The following DPP6 variants were observed in gnomAD, a reference collection of about 807,000 sequenced individuals.
DPP6 encodes A-type potassium channel modulatory protein DPP6.
Under a neutral mutation model 122.6 loss-of-function variants are expected in DPP6, and 69 were observed. That is an observed-to-expected ratio of 0.56 (90% CI 0.46 to 0.69). The LOEUF (loss-of-function observed/expected upper bound fraction) is 0.69. Ranked by LOEUF, DPP6 falls within the 30% of genes least tolerant of loss-of-function variation. The pLI is 0.00. For missense variants in DPP6, 928 were observed against 1,116.9 expected (o/e 0.83, Z 2.41); for synonymous variants, 418 against 433.1 (o/e 0.97, Z 0.43).
At chr7:154,777,425 G>A (rs1202930099) in intron 10 of DPP6, among the ~76,000 whole-genome samples, 1 of 152,174 alleles carries the variant, frequency 6.6e-6, no homozygotes. Context: ...GGCTAATGCA[G>A]GGACCCAGGC....
Position 153,997,593 on chromosome 7 carries a change from G to GCACACACACACACACACACA in DPP6, c.51+109863_51+109882dup, listed in dbSNP as rs3980023. Among the ~76,000 whole-genome samples the GCACACACACACACACACACA allele has an allele frequency of 2.8e-3, 416 of 146,074 alleles. 4 individuals are homozygous for GCACACACACACACACACACA. Among genetic ancestry groups the GCACACACACACACACACACA allele is most frequent in the East Asian group, 0.018 (88 of 4,948 alleles). On this transcript the variant is annotated intron_variant, in intron 1 of 25. Coordinates refer to the DPP6 transcript ENST00000404039. ...TATTCTCTTTGAGTATGAGTGCACAGCACACACACACACACACACACACCT... is the reference window on the plus strand; with the variant it reads ...TATTCTCTTTGAGTATGAGTGCACAGCACACACACACACACACACACACACACACACACACACACACACCT...
the DPP6 span, among the ~76,000 whole-genome samples, chr7:153,847,470 T>C: frequency 2.0e-5 from 3 of 152,248 alleles, no homozygotes; most frequent in Non-Finnish European, 4.4e-5. Context: ...TATAGCATTT[T>C]TGTATTGTAT....
At chr7:154,770,764 G>C (rs1022681092) in intron 9 of DPP6, among the ~76,000 whole-genome samples, 2 of 152,220 alleles carry the variant, frequency 1.3e-5, no homozygotes, top group Non-Finnish European at 2.9e-5. Flanking sequence ...GGGGGGAACA[G>C]GGATATCCAA....
Position 154,036,008 on chromosome 7 carries a change from ACGCG to A in DPP6, c.51+148282_51+148285del, listed in dbSNP as rs976364293. Among the ~76,000 whole-genome samples, 7 of 10,114 alleles carry A rather than the reference ACGCG, an allele frequency of 6.9e-4. No individual in the cohort carries two copies. In the South Asian group the frequency reaches 0.024, roughly 34 times the overall value. The allele number at this position is 10,114 out of a possible 152,430, so 6.6% of individuals were successfully genotyped here. On this transcript the variant is annotated intron_variant, in intron 1 of 25. Transcript: ENST00000404039. Reference sequence around the variant, plus strand: ...CAGAGAATGATGAATGGCCAGGATTACGCGCGCGCGCTTGTGTGTGTGTGTGTGT... The same window carrying A: ...CAGAGAATGATGAATGGCCAGGATTACGCGCGCTTGTGTGTGTGTGTGTGT...
At chr7:154,401,809 C>A (rs1394146668) in intron 1 of DPP6, among the ~76,000 whole-genome samples, 1 of 152,144 alleles carries the variant, frequency 6.6e-6, no homozygotes, top group East Asian at 1.9e-4. Context: ...AGTGAACAGG[C>A]AGCCTACAAA....
chr7:154,062,019 G>C (rs1164044251), intron 1 of DPP6, among the ~76,000 whole-genome samples: 6 of 131,230 alleles, frequency 4.6e-5, no homozygotes, highest in Non-Finnish European at 1.0e-4. Context: ...ATCGCAGGGG[G>C]GGGGAGGCAC....
At chr7:153,951,007 C>T (rs1000314778) in intron 1 of DPP6, among the ~76,000 whole-genome samples, 9 of 152,128 alleles carry the variant, frequency 5.9e-5, no homozygotes, top group Admixed American at 3.3e-4. Flanking sequence ...CCTAGGACAG[C>T]TCACGGCAGG....
chr7:154,750,330 G>A (rs1046307539), intron 8 of DPP6, among the ~76,000 whole-genome samples: 1 of 152,208 alleles, frequency 6.6e-6, no homozygotes, highest in African/African-American at 2.4e-5. Flanking sequence ...CCTGTGTCCT[G>A]CAAGAGCCCA....
At chr7:154,366,450 C>T (rs1812197134) in intron 1 of DPP6, among the ~76,000 whole-genome samples, 1 of 152,212 alleles carries the variant, frequency 6.6e-6, no homozygotes, top group South Asian at 2.1e-4. Context: ...TTGGGAGTTA[C>T]TTCAGAATCG....
chr7:153,949,348 A>C (rs78390681), intron 1 of DPP6, among the ~76,000 whole-genome samples: 18,518 of 152,156 alleles, frequency 0.12, 1,162 homozygotes, highest in South Asian at 0.15. Flanking sequence ...CACAGAGCCC[A>C]GCCCTCATTT....
intron 1 of DPP6, among the ~76,000 whole-genome samples, chr7:154,226,733 G>A (rs1425262761): frequency 1.3e-5 from 2 of 152,262 alleles, no homozygotes; most frequent in Middle Eastern, 3.4e-3. Flanking sequence ...CAAGGCAAAT[G>A]TGGCCATTTG....
intron 2 of DPP6, among the ~76,000 whole-genome samples, chr7:154,465,104 A>G (rs997796966): frequency 2.0e-5 from 3 of 152,248 alleles, no homozygotes; most frequent in Admixed American, 6.5e-5. Flanking sequence ...TTTCTAGACC[A>G]TGGTCAACTG....
At chr7:154,787,295 A>G (rs1797392165) in intron 10 of DPP6, among the ~76,000 whole-genome samples, 1 of 152,202 alleles carries the variant, frequency 6.6e-6, no homozygotes, top group Non-Finnish European at 1.5e-5. Context: ...CTGGAAATGT[A>G]TATTTGTTCT....
At chr7:154,239,603 C>T (rs114318322) in intron 1 of DPP6, among the ~76,000 whole-genome samples, 1,872 of 152,116 alleles carry the variant, frequency 0.012, 38 homozygotes, top group African/African-American at 0.042. Flanking sequence ...GTGTGTTCAT[C>T]GACTGTTTAT....
At chr7:154,000,726 G>A (rs1797650377) in intron 1 of DPP6, among the ~76,000 whole-genome samples, 1 of 151,982 alleles carries the variant, frequency 6.6e-6, no homozygotes, top group African/African-American at 2.4e-5. Context: ...GATACTTATG[G>A]GTGCCAGCTG....
intron 1 of DPP6, among the ~76,000 whole-genome samples, chr7:154,268,003 A>G (rs1563392039): frequency 6.6e-6 from 1 of 152,022 alleles, no homozygotes; most frequent in Non-Finnish European, 1.5e-5. Flanking sequence ...GTGCATGTAT[A>G]TATTTATCCC....
chr7:154,264,204 C>T (rs951601561), intron 1 of DPP6, among the ~76,000 whole-genome samples: 2 of 151,986 alleles, frequency 1.3e-5, no homozygotes, highest in African/African-American at 4.8e-5. Context: ...TTCAAGTATC[C>T]CTAATTCTCA....
intron 8 of DPP6, among the ~76,000 whole-genome samples, chr7:154,732,609 A>G (rs1227913264): frequency 6.6e-6 from 1 of 152,166 alleles, no homozygotes; most frequent in Non-Finnish European, 1.5e-5. Flanking sequence ...GAAGATATTT[A>G]TAGAGCTCAG....
At chr7:154,024,906 A>ATT (rs1798897828) in intron 1 of DPP6, among the ~76,000 whole-genome samples, 1 of 152,154 alleles carries the variant, frequency 6.6e-6, no homozygotes, top group Non-Finnish European at 1.5e-5. Flanking sequence ...ACGAGCTGGA[A>ATT]TTTGCCAGGG....
Sources: gnomAD v4.1 joint callset for allele counts (sites outside exome capture counted in the v4.1 genomes callset) on GRCh38, gnomAD v4.1.1 for gene constraint, MANE v1.5 for transcripts, NCBI Gene and HGNC (gene_info 2026-07-23, HGNC 2026-07-21) for gene names.